Variants in UPRT observed in about 807,000 individuals in gnomAD.
The protein encoded by UPRT is RP11-311P8.3.
A neutral mutation model predicts 22.6 loss-of-function variants in UPRT; 5 were observed. The observed-to-expected ratio is 0.22, with a 90% confidence interval of 0.12 to 0.47. The LOEUF is 0.47. UPRT is among the 20% of genes least tolerant of loss of function. The probability of loss-of-function intolerance (pLI) is 0.99; values close to 1 mark genes in which losing one functional copy is unlikely to be tolerated. For missense variants in UPRT, 181 were observed against 239.9 expected, an observed-to-expected ratio of 0.75 and a Z score of 1.62; for synonymous variants, 77 against 87.7, an observed-to-expected ratio of 0.88 and a Z score of 0.68.
chrX:75,254,803 C>G (rs1316474300), intron 4 of UPRT, among the ~76,000 whole-genome samples: 7 of 85,620 alleles, frequency 8.2e-5, no homozygotes. Flanking sequence ...GAGTCTCGCT[C>G]TGTCGCCCAG....
chrX:75,220,201 A>AT (rs907387251), intron 4 of UPRT, among the ~76,000 whole-genome samples: 1 of 109,841 alleles, frequency 9.1e-6, no homozygotes, highest in Non-Finnish European at 1.9e-5. Flanking sequence ...TTTGAAATCT[A>AT]TTTTTTTTCT....
At chrX:75,233,236 A>C (rs2147644520) in intron 4 of UPRT, among the ~76,000 whole-genome samples, 1 of 110,192 alleles carries the variant, frequency 9.1e-6, no homozygotes, top group Admixed American at 9.7e-5. Context: ...AGTTTAGAGA[A>C]AAAAGAATAA....
intron 4 of UPRT, among the ~76,000 whole-genome samples, chrX:75,235,659 A>G (rs1315538723): frequency 8.9e-6 from 1 of 112,052 alleles, no homozygotes. Flanking sequence ...AAATCAATAA[A>G]TGTAATCCAG....
At chrX:75,175,369 C>T (rs904328443) in intron 4 of UPRT, among the ~76,000 whole-genome samples, 1 of 112,144 alleles carries the variant, frequency 8.9e-6, no homozygotes, top group Admixed American at 9.4e-5. Context: ...AGCAAAGTCT[C>T]CCAATTACAA....
chrX:75,299,371 G>T (rs1430293010), intron 4 of UPRT, among the ~76,000 whole-genome samples: 1 of 111,806 alleles, frequency 8.9e-6, no homozygotes, highest in Non-Finnish European at 1.9e-5. Context: ...AAATTTAGGT[G>T]GTTTAAAGGC....
chrX:75,238,558 C>T (rs1328857411), intron 4 of UPRT, among the ~76,000 whole-genome samples: 2 of 111,557 alleles, frequency 1.8e-5, no homozygotes, highest in Non-Finnish European at 3.8e-5. Flanking sequence ...CAGCACTAGA[C>T]AGGTCATCAA....
chrX:75,183,898 A>T (rs1037839777), intron 4 of UPRT, among the ~76,000 whole-genome samples: 5 of 111,400 alleles, frequency 4.5e-5, no homozygotes, highest in African/African-American at 1.3e-4. Flanking sequence ...AATTGGTTTG[A>T]GTTCTTTGTA....
intron 4 of UPRT, among the ~76,000 whole-genome samples, chrX:75,191,631 G>A (rs978353406): frequency 8.0e-5 from 9 of 112,155 alleles, no homozygotes; most frequent in Non-Finnish European, 9.4e-5. Flanking sequence ...CTTCCTGGCC[G>A]CTTTGTTTAC....
chrX:75,225,287 A>G (rs1260749391), intron 4 of UPRT, among the ~76,000 whole-genome samples: 3 of 105,513 alleles, frequency 2.8e-5, no homozygotes, highest in Non-Finnish European at 5.8e-5. Flanking sequence ...GTCAACATAG[A>G]GTCCATCTCT....
intron 4 of UPRT, among the ~76,000 whole-genome samples, chrX:75,196,696 A>G (rs1034584505): frequency 6.3e-5 from 7 of 111,152 alleles, no homozygotes; most frequent in Non-Finnish European, 1.3e-4. Context: ...AAAATACACA[A>G]ATTAGCTGGG....
chrX:75,269,613 C>T (rs925703651), upstream of UPRT, among the ~76,000 whole-genome samples: 1 of 111,411 alleles, frequency 9.0e-6, no homozygotes, highest in African/African-American at 3.3e-5. Context: ...CATCTACAAC[C>T]ATCTGATTTT....
chrX:75,197,191 C>T, intron 4 of UPRT, among the ~76,000 whole-genome samples: 1 of 111,679 alleles, frequency 9.0e-6, no homozygotes, highest in East Asian at 2.8e-4. Context: ...GCAACCACCT[C>T]CAAATTTACA....
At chrX:75,192,807 G>A (rs1241957194) in intron 4 of UPRT, among the ~76,000 whole-genome samples, 1 of 111,795 alleles carries the variant, frequency 8.9e-6, no homozygotes, top group Non-Finnish European at 1.9e-5. Context: ...TTTTCTGTTT[G>A]CTTGGCAGAT....
intron 3 of UPRT, among the ~76,000 whole-genome samples, chrX:75,166,695 T>C (rs2082214134): frequency 8.9e-6 from 1 of 112,193 alleles, no homozygotes; most frequent in Non-Finnish European, 1.9e-5. Context: ...ACCACCCAGG[T>C]GAAGAAACAG....
intron 4 of UPRT, among the ~76,000 whole-genome samples, chrX:75,195,325 G>T (rs1226284001): frequency 8.9e-6 from 1 of 112,636 alleles, no homozygotes; most frequent in Non-Finnish European, 1.9e-5. Context: ...GGGGCCCCAG[G>T]AGAGGCCAGC....
chrX:75,266,741 G>A (rs1294916485), intron 4 of UPRT, among the ~76,000 whole-genome samples: 1 of 110,396 alleles, frequency 9.1e-6, no homozygotes, highest in Non-Finnish European at 1.9e-5. Context: ...AACACATTTA[G>A]AATTAAAAAA....
chrX:75,300,133 AT>A (rs1427395885), intron 5 of UPRT, among the ~76,000 whole-genome samples: 1 of 112,332 alleles, frequency 8.9e-6, no homozygotes, highest in Non-Finnish European at 1.9e-5. Flanking sequence ...GAAACAAAGG[AT>A]TTAATGAGGC....
intron 4 of UPRT, among the ~76,000 whole-genome samples, chrX:75,247,619 C>A (rs928571607): frequency 2.7e-5 from 3 of 112,713 alleles, no homozygotes; most frequent in African/African-American, 9.7e-5. Flanking sequence ...CTCAAGGAGG[C>A]CTGCCTGCCT....
chrX:75,172,005 C>A (rs1188155841), intron 4 of UPRT, among the ~76,000 whole-genome samples: 1 of 111,712 alleles, frequency 9.0e-6, no homozygotes, highest in Non-Finnish European at 1.9e-5. Flanking sequence ...GAAATGGACT[C>A]TGTGAGAGTC....
Sources: gnomAD v4.1 joint callset for allele counts (sites outside exome capture counted in the v4.1 genomes callset) on GRCh38, gnomAD v4.1.1 for gene constraint, MANE v1.5 for transcripts, NCBI Gene and HGNC (gene_info 2026-07-23, HGNC 2026-07-21) for gene names.